Variants in MKLN1 observed in about 807,000 individuals in gnomAD.
MKLN1 encodes muskelin 1.
MKLN1 carries 18 observed loss-of-function variants against 99.0 expected under a neutral mutation model. The observed-to-expected ratio is 0.18, with a 90% CI of 0.13 to 0.27. The LOEUF (loss-of-function observed/expected upper bound fraction) is 0.27. MKLN1 is among the 10% of genes least tolerant of loss of function. MKLN1 has a pLI of 1.00. For missense variants in MKLN1, 621 were observed against 875.9 expected (o/e 0.71, Z 3.67); for synonymous variants, 288 against 293.2 (o/e 0.98, Z 0.18).
chr7:131,160,050 C>T (rs1165613461), intron 2 of MKLN1, among the ~76,000 whole-genome samples: 2 of 152,096 alleles, frequency 1.3e-5, no homozygotes, highest in African/African-American at 2.4e-5. Flanking sequence ...AAAAAAAAAA[C>T]TCCCATGCCT....
At chr7:131,289,565 C>G (rs1385058869) in intron 3 of MKLN1, among the ~76,000 whole-genome samples, 6 of 152,188 alleles carry the variant, frequency 3.9e-5, no homozygotes, top group Admixed American at 3.9e-4. Flanking sequence ...TACCAGGAAG[C>G]AGCACAGCAT....
intron 14 of MKLN1, among the ~76,000 whole-genome samples, 181 bp from the exon 15 acceptor site, chr7:131,466,095 A>G (rs991856900): frequency 3.3e-5 from 5 of 152,220 alleles, no homozygotes; most frequent in Admixed American, 1.3e-4. Flanking sequence ...TAAAGTAGCC[A>G]TGGTGCTTTA....
chr7:131,167,576 G>A (rs977806317), intron 2 of MKLN1, among the ~76,000 whole-genome samples: 8 of 151,760 alleles, frequency 5.3e-5, no homozygotes, highest in African/African-American at 1.9e-4. Flanking sequence ...GGAGGCTGAG[G>A]TGAGAGGATC....
intron 1 of MKLN1, among the ~76,000 whole-genome samples, chr7:131,330,334 T>A (rs1396045162): frequency 1.3e-5 from 2 of 152,250 alleles, no homozygotes; most frequent in African/African-American, 4.8e-5. Context: ...TTTGTTGGCA[T>A]AGATCTAAGC....
At chr7:131,325,433 G>A (rs1798864804), upstream of MKLN1, among the ~76,000 whole-genome samples, 1 of 152,154 alleles carries the variant, frequency 6.6e-6, no homozygotes, top group Admixed American at 6.5e-5. Context: ...GCTCATACCT[G>A]TAATCCCAGC....
intron 3 of MKLN1, among the ~76,000 whole-genome samples, chr7:131,231,223 G>C (rs1483311913): frequency 1.3e-5 from 2 of 151,962 alleles, no homozygotes; most frequent in African/African-American, 4.8e-5. Flanking sequence ...GTACAGAGGA[G>C]GGACAGTTAG....
intron 2 of MKLN1, among the ~76,000 whole-genome samples, chr7:131,144,633 T>C (rs1795790934): frequency 6.6e-6 from 1 of 152,102 alleles, no homozygotes; most frequent in Non-Finnish European, 1.5e-5. Flanking sequence ...AAGTACATTT[T>C]TGAGCCACCA....
intron 8 of MKLN1, among the ~76,000 whole-genome samples, chr7:131,422,539 G>A (rs946895286): frequency 1.3e-5 from 2 of 152,108 alleles, no homozygotes; most frequent in African/African-American, 4.8e-5. Flanking sequence ...AGTCGACAGA[G>A]CAAGATTCTG....
chr7:131,215,576 C>T (rs1307221108), intron 3 of MKLN1, among the ~76,000 whole-genome samples: 2 of 152,202 alleles, frequency 1.3e-5, no homozygotes, highest in African/African-American at 4.8e-5. Flanking sequence ...GCAATCCTCC[C>T]ACCTCAGCCT....
chr7:131,172,820 A>G (rs1796236078), intron 2 of MKLN1, among the ~76,000 whole-genome samples: 5 of 152,204 alleles, frequency 3.3e-5, no homozygotes, highest in Admixed American at 3.3e-4. Flanking sequence ...CAACTGGGGA[A>G]CAACCACTTA....
chr7:131,315,118 G>A (rs1273459973), intron 3 of MKLN1, among the ~76,000 whole-genome samples: 3 of 151,988 alleles, frequency 2.0e-5, no homozygotes, highest in South Asian at 4.2e-4. Flanking sequence ...AACACTTTTC[G>A]AGAAGGGGCC....
chr7:131,437,040 T>G (rs903824894), intron 9 of MKLN1, among the ~76,000 whole-genome samples: 2 of 151,842 alleles, frequency 1.3e-5, no homozygotes, highest in East Asian at 3.9e-4. Context: ...TTTCTCCTCT[T>G]TAAAAGGAGA....
At chr7:131,344,156 G>T (rs1388763610) in intron 1 of MKLN1, among the ~76,000 whole-genome samples, 2 of 149,608 alleles carry the variant, frequency 1.3e-5, no homozygotes, top group Non-Finnish European at 3.0e-5. Context: ...ATTATCTCTG[G>T]GTTGTAGTAA....
chr7:131,369,064 A>G (rs184122721), intron 1 of MKLN1, among the ~76,000 whole-genome samples: 18 of 152,270 alleles, frequency 1.2e-4, no homozygotes, highest in African/African-American at 4.1e-4. Flanking sequence ...GAATAGAATC[A>G]TACATGCTTC....
intron 3 of MKLN1, among the ~76,000 whole-genome samples, chr7:131,319,224 G>A (rs530878371): frequency 3.9e-5 from 6 of 152,274 alleles, no homozygotes; most frequent in African/African-American, 1.2e-4. Context: ...GAATCCAGCA[G>A]CACATCAAAA....
At chr7:131,150,360 A>C (rs779229515) in intron 2 of MKLN1, among the ~76,000 whole-genome samples, 25 of 152,078 alleles carry the variant, frequency 1.6e-4, no homozygotes, top group Non-Finnish European at 3.2e-4. Context: ...GGTGGTATGC[A>C]CCTGTAGTCC....
chr7:131,119,884 A>G (rs994681843), intron 1 of MKLN1, among the ~76,000 whole-genome samples: 1 of 152,218 alleles, frequency 6.6e-6, no homozygotes, highest in Non-Finnish European at 1.5e-5. Context: ...TCCTCCTCAG[A>G]AAATGGGGCT....
At position 131,491,748 on chromosome 7, in the gene MKLN1, G is replaced by A. The variant is rs1437561733; in HGVS notation, c.*4020G>A. ...TTTTCTGAATAAATGCTGTATTAGA[G>A]GTTCTATTTATATATGATTTTTAAA... is the stretch of plus-strand genomic sequence containing the variant. On this transcript the variant is annotated 3_prime_UTR_variant, in exon 18 of 18. Coordinates refer to ENST00000352689, the MANE Select transcript of MKLN1 (RefSeq NM_013255.5). The A allele has an allele frequency of 2.0e-5, 3 of 152,472 alleles. No individual in the cohort carries two copies. The highest frequency in any genetic ancestry group is 4.4e-5 in the Non-Finnish European group (3 of 67,996). 9.4% of individuals were successfully genotyped at this position (152,472 alleles called of 1,614,324 possible). A position where few individuals can be genotyped will look rare whatever the true frequency, so the allele number is the denominator to read the frequency against.
intron 17 of MKLN1, among the ~76,000 whole-genome samples, chr7:131,485,855 G>A (rs1397895733): frequency 6.6e-6 from 1 of 152,036 alleles, no homozygotes; most frequent in African/African-American, 2.4e-5. Flanking sequence ...AATGCAGTGT[G>A]TGATCTTGGA....
Sources: allele counts gnomAD v4.1 joint callset (sites outside exome capture counted in the v4.1 genomes callset), GRCh38; gene constraint gnomAD v4.1.1; transcripts MANE v1.5; gene names NCBI Gene and HGNC (gene_info 2026-07-23, HGNC 2026-07-21).